The following L3MBTL3 variants were observed in gnomAD, a reference collection of about 807,000 sequenced individuals.
L3MBTL3 encodes L3MBTL histone methyl-lysine binding protein 3.
L3MBTL3 carries 27 observed loss-of-function variants against 102.3 expected under a neutral mutation model. The ratio of observed to expected loss-of-function variants is 0.26; its 90% CI spans 0.19 to 0.36. The LOEUF (loss-of-function observed/expected upper bound fraction) is 0.36. Among genes scored for constraint, L3MBTL3 ranks in the 10% least tolerant of loss-of-function variants. The pLI, the probability that L3MBTL3 is intolerant of heterozygous loss-of-function variation, is 1.00. For synonymous variants in L3MBTL3, 340 were observed against 320.9 expected, an observed-to-expected ratio of 1.06 and a Z score of -0.64; for missense variants, 798 against 955.3, an observed-to-expected ratio of 0.84 and a Z score of 2.17.
At chr6:130,122,110 ATAAT>A (rs893211964) in intron 20 of L3MBTL3, among the ~76,000 whole-genome samples, 1 of 152,220 alleles carries the variant, frequency 6.6e-6, no homozygotes, top group African/African-American at 2.4e-5. Flanking sequence ...AAATATAACA[ATAAT>A]TATTTATTTT....
intron 10 of L3MBTL3, among the ~76,000 whole-genome samples, chr6:130,060,962 G>T (rs908325482): frequency 3.6e-4 from 54 of 151,924 alleles, no homozygotes; most frequent in Non-Finnish European, 1.3e-4. Flanking sequence ...AAGAAAGTTG[G>T]CTTCTGCAGA....
intron 8 of L3MBTL3, 23 bp downstream of exon 8, chr6:130,055,278 T>C (rs767815148): frequency 6.4e-7 from 1 of 1,566,232 alleles, no homozygotes; most frequent in South Asian, 1.1e-5. Flanking sequence ...AAATAAAGTC[T>C]TACTTGTAAC....
At chr6:130,094,531 A>G (rs1412093982) in intron 18 of L3MBTL3, among the ~76,000 whole-genome samples, 164 bp downstream of exon 18, 1 of 152,250 alleles carries the variant, frequency 6.6e-6, no homozygotes, top group Non-Finnish European at 1.5e-5. Context: ...GAATATCTAT[A>G]GTAAAATCTT....
chr6:130,054,977 A>G (rs1781370973), intron 7 of L3MBTL3, 194 bp from the exon 8 acceptor site: 1 of 538,444 alleles, frequency 1.9e-6, no homozygotes, highest in East Asian at 3.4e-5. Flanking sequence ...ACACGTGGAT[A>G]CAGTCTTATT....
intron 18 of L3MBTL3, among the ~76,000 whole-genome samples, chr6:130,096,585 G>A (rs1784378542): frequency 6.6e-6 from 1 of 152,148 alleles, no homozygotes; most frequent in African/African-American, 2.4e-5. Context: ...GGAGAGGTTT[G>A]CCTTTCACAG....
At chr6:130,118,394 T>C (rs1785880246) in intron 19 of L3MBTL3, among the ~76,000 whole-genome samples, 1 of 152,216 alleles carries the variant, frequency 6.6e-6, no homozygotes, top group African/African-American at 2.4e-5. Context: ...CTTATTAATA[T>C]TAACTGTTTC....
intron 19 of L3MBTL3, among the ~76,000 whole-genome samples, chr6:130,116,925 T>A (rs1199438519): frequency 1.9e-5 from 1 of 51,492 alleles, no homozygotes; most frequent in Non-Finnish European, 6.1e-5. Flanking sequence ...ATTTTTATTT[T>A]TTTTATTTTT....
chr6:130,108,363 T>G (rs1785132338), intron 19 of L3MBTL3, among the ~76,000 whole-genome samples: 1 of 150,748 alleles, frequency 6.6e-6, no homozygotes, highest in Admixed American at 6.6e-5. Context: ...GCCTCCCGAG[T>G]AGCTGGGATT....
chr6:130,124,528 CTTTTTGAT>C (rs1442981200), intron 20 of L3MBTL3, among the ~76,000 whole-genome samples: 1 of 152,130 alleles, frequency 6.6e-6, no homozygotes, highest in Non-Finnish European at 1.5e-5. Flanking sequence ...AGTCATGAGC[CTTTTTGAT>C]TTTTTGATTC....
At position 130,066,475 on chromosome 6, in the gene L3MBTL3, C is replaced by T. The variant is rs1440163739; in HGVS notation, c.987C>T (p.Leu329=). 4 of 1,609,690 alleles carry T rather than the reference C, an allele frequency of 2.5e-6. No homozygotes were observed. The highest frequency in any genetic ancestry group is 1.6e-4 in the Middle Eastern group (1 of 6,076). ...VGWCEKTGHK[L]HPPKGYKEEE... is the part of the protein sequence containing the mutation. ...GGTGTGAGAAAACCGGCCACAAACT[C>T]CATCCTCCAAAAGGTTTTGTCACTT... Residue 329 remains leucine (L), a synonymous_variant, in exon 11 of 23, where the codon CTC becomes CTT. Transcript: ENST00000361794.
In L3MBTL3 at chr6:130,073,760, C is replaced by T. The variant is rs1216280798; in HGVS notation, c.1244+2633C>T. 2.0e-5 allele frequency among the ~76,000 whole-genome samples: 3 copies of T among 151,974 alleles called. No individual in the cohort carries two copies. In the East Asian group the frequency reaches 5.8e-4, roughly 29 times the overall value. ...TGGGTTCTAAAAAAGATCCTGGATTCTAAAAAGATCCTGGGTTCTAAAAAT... is the reference window on the plus strand; with the variant it reads ...TGGGTTCTAAAAAAGATCCTGGATTTTAAAAAGATCCTGGGTTCTAAAAAT... On this transcript the variant is annotated intron_variant, in intron 13 of 22. Transcript: ENST00000361794.
rs149945131 is a variant in L3MBTL3 at position 130,127,718 on chromosome 6, C to T, written c.1967-5734C>T. ...TTCTTCTGATATTAACGAGACCCAG[C>T]GATTGATGTTGTTTTAATGATATAG... On this transcript the variant is annotated intron_variant, in intron 20 of 22. Transcript: ENST00000361794. Among the ~76,000 whole-genome samples, 7 of 152,202 alleles carry T rather than the reference C, an allele frequency of 4.6e-5. No homozygotes were observed. The East Asian group carries it at 9.6e-4, about 21-fold the overall frequency.
chr6:130,055,075 A>AG (rs1584333333), intron 7 of L3MBTL3, 96 bp from the exon 8 acceptor site: 2 of 857,872 alleles, frequency 2.3e-6, no homozygotes, highest in East Asian at 4.9e-5. Context: ...ACTGAAGAAA[A>AG]GAACAACAGA....
intron 14 of L3MBTL3, among the ~76,000 whole-genome samples, chr6:130,081,300 G>A (rs753972284): frequency 6.6e-6 from 1 of 152,078 alleles, no homozygotes; most frequent in African/African-American, 2.4e-5. Context: ...ACATGCATGC[G>A]TACACCTCAG....
chr6:130,042,815 A>G lies in L3MBTL3; in HGVS notation c.102+14A>G. 4 of 1,493,598 alleles carry G rather than the reference A, an allele frequency of 2.7e-6. No individual in the cohort carries two copies. The highest frequency in any genetic ancestry group is 2.8e-6 in the Non-Finnish European group (3 of 1,069,986). The allele number at this position is 1,493,598 out of a possible 1,614,324, so 92.5% of individuals were successfully genotyped here. ...AGTGACTTAAAGGTAAACCCTCTTTATTACATACAATTATGTGTGTGTGCA... is the reference window on the plus strand; with the variant it reads ...AGTGACTTAAAGGTAAACCCTCTTTGTTACATACAATTATGTGTGTGTGCA... On this transcript the variant is annotated intron_variant, in intron 3 of 22. Coordinates refer to ENST00000361794, the MANE Select transcript of L3MBTL3 (RefSeq NM_032438.4).
intron 14 of L3MBTL3, among the ~76,000 whole-genome samples, chr6:130,081,418 C>T (rs1783332786): frequency 7.0e-6 from 1 of 142,018 alleles, no homozygotes; most frequent in South Asian, 2.1e-4. Flanking sequence ...TGCGTATTAA[C>T]TCCATTTTTT....
chr6:130,095,995 A>G (rs1176272595), intron 18 of L3MBTL3, among the ~76,000 whole-genome samples: 1 of 152,136 alleles, frequency 6.6e-6, no homozygotes, highest in East Asian at 1.9e-4. Flanking sequence ...TTCGAGCAGC[A>G]TTTTTTCAAC....
chr6:130,043,415 C>T (rs1780548694), intron 3 of L3MBTL3, among the ~76,000 whole-genome samples: 1 of 152,208 alleles, frequency 6.6e-6, no homozygotes, highest in Non-Finnish European at 1.5e-5. Context: ...TGCCCTGCCT[C>T]CTTTTCCCAG....
intron 1 of L3MBTL3, among the ~76,000 whole-genome samples, chr6:130,021,761 T>A (rs189961466): frequency 2.6e-5 from 4 of 152,360 alleles, no homozygotes; most frequent in African/African-American, 9.6e-5. Context: ...AAGTAGTCCC[T>A]TTTGGTTCTA....
Sources: allele counts gnomAD v4.1 joint callset (sites outside exome capture counted in the v4.1 genomes callset), GRCh38; gene constraint gnomAD v4.1.1; transcripts MANE v1.5; gene names NCBI Gene and HGNC (gene_info 2026-07-23, HGNC 2026-07-21).